The following STK31 variants were observed in gnomAD, a reference collection of about 807,000 sequenced individuals.
STK31 encodes serine/threonine kinase 31.
In STK31, 89 loss-of-function variants were observed where a neutral mutation model predicts 129.7. The observed-to-expected ratio is 0.69, with a 90% confidence interval of 0.58 to 0.82. The LOEUF (loss-of-function observed/expected upper bound fraction) is 0.82. Among genes scored for constraint, STK31 ranks in the 40% least tolerant of loss-of-function variants. The pLI, the probability that STK31 is intolerant of heterozygous loss-of-function variation, is 0.00. For synonymous variants in STK31, 448 were observed against 395.3 expected, an observed-to-expected ratio of 1.13 and a Z score of -1.58; for missense variants, 1,187 against 1,176.4, an observed-to-expected ratio of 1.01 and a Z score of -0.13.
At chr7:23,819,517 C>T (rs890243810) in intron 23 of STK31, among the ~76,000 whole-genome samples, 9 of 151,866 alleles carry the variant, frequency 5.9e-5, no homozygotes, top group Non-Finnish European at 1.0e-4. Context: ...CAGGTTCAAG[C>T]GATTCTCCTG....
intron 22 of STK31, among the ~76,000 whole-genome samples, chr7:23,794,670 A>C (rs1323545804): frequency 6.6e-6 from 1 of 152,152 alleles, no homozygotes; most frequent in Non-Finnish European, 1.5e-5. Flanking sequence ...TGATATGGCC[A>C]GTGAAGTCCA....
chr7:23,827,372 C>A (rs566687008), intron 23 of STK31, among the ~76,000 whole-genome samples: 1 of 152,272 alleles, frequency 6.6e-6, no homozygotes, highest in East Asian at 1.9e-4. Flanking sequence ...GATACCCTTT[C>A]TTCCAGTTGA....
chr7:23,712,930 C>T (rs982945311), intron 3 of STK31, among the ~76,000 whole-genome samples: 1 of 152,138 alleles, frequency 6.6e-6, no homozygotes, highest in Non-Finnish European at 1.5e-5. Context: ...TTTCTCTATA[C>T]TCCCTACAGC....
At chr7:23,710,153 A>G, upstream of STK31, 1 of 1,513,302 alleles carries the variant, frequency 6.6e-7, no homozygotes, top group East Asian at 2.3e-5. Context: ...CGTGGCTGCC[A>G]CGTGACTCCC....
chr7:23,759,370 A>G (rs1789310852), intron 10 of STK31, among the ~76,000 whole-genome samples: 2 of 152,256 alleles, frequency 1.3e-5, no homozygotes. Context: ...AATTGACCAC[A>G]TAATTGGAAG....
At chr7:23,798,405 A>G (rs1340110576) in intron 22 of STK31, among the ~76,000 whole-genome samples, 1 of 145,080 alleles carries the variant, frequency 6.9e-6, no homozygotes. Context: ...ATCCACAACA[A>G]TCAAGTCAGC....
chr7:23,814,424 T>C lies in STK31; in HGVS notation c.2761-720T>C, dbSNP rs905608306. Among the ~76,000 whole-genome samples, 5 of 152,072 alleles carry C rather than the reference T, an allele frequency of 3.3e-5. No individual in the cohort carries two copies. The East Asian group carries it at 7.7e-4, about 23-fold the overall frequency. On this transcript the variant is annotated intron_variant, in intron 22 of 23. Transcript: ENST00000355870. ...ACTAAAAAAGTAAACTAATTTGATA[T>C]GAGATTACTCAAATTTTGAAAGCTA...
At chr7:23,804,260 C>G (rs1288690842) in intron 22 of STK31, among the ~76,000 whole-genome samples, 1 of 152,078 alleles carries the variant, frequency 6.6e-6, no homozygotes, top group African/African-American at 2.4e-5. Flanking sequence ...GTTGCTTTCC[C>G]TAAAATGCAT....
chr7:23,730,878 A>ATATATATATATATATTT, intron 6 of STK31, among the ~76,000 whole-genome samples: 81 of 59,530 alleles, frequency 1.4e-3, no homozygotes, highest in Non-Finnish European at 2.3e-3. Flanking sequence ...ATATATATAT[A>ATATATATATATATATTT]TTTTTTTTTT....
intron 22 of STK31, among the ~76,000 whole-genome samples, chr7:23,796,214 T>G (rs1791942125): frequency 6.6e-6 from 1 of 152,206 alleles, no homozygotes; most frequent in Non-Finnish European, 1.5e-5. Flanking sequence ...TTCTCATGAC[T>G]TTAGCCCTAT....
chr7:23,743,215 A>G (rs180884573), intron 8 of STK31, among the ~76,000 whole-genome samples: 1 of 152,080 alleles, frequency 6.6e-6, no homozygotes, highest in Admixed American at 6.5e-5. Context: ...CGGCCTCCCA[A>G]AGTGCTGGGA....
intron 6 of STK31, among the ~76,000 whole-genome samples, chr7:23,735,063 G>A (rs1023322188): frequency 1.3e-5 from 2 of 152,176 alleles, no homozygotes; most frequent in Admixed American, 1.3e-4. Flanking sequence ...CGTATTTTGT[G>A]CTTTCGGTTT....
intron 15 of STK31, among the ~76,000 whole-genome samples, chr7:23,778,666 T>C (rs1413426736): frequency 2.0e-5 from 3 of 152,206 alleles, no homozygotes; most frequent in East Asian, 3.9e-4. Flanking sequence ...TCTCATACTT[T>C]GTTTTTCAGC....
rs201534003 is a variant in STK31, at chr7:23,711,441, AAC to A, written c.51-657_51-656del. Among the ~76,000 whole-genome samples, 633 of 142,626 alleles carry A rather than the reference AAC, an allele frequency of 4.4e-3. 4 individuals carry two copies. Among genetic ancestry groups the A allele is most frequent in the South Asian group, 0.027 (129 of 4,736 alleles). The allele number at this position is 142,626 out of a possible 152,430, so 93.6% of individuals were successfully genotyped here. On this transcript the variant is annotated intron_variant, in intron 1 of 23. Transcript: ENST00000355870. ...CTTCGTTTGGGGGGAAAAAAAAAAAAACCCATAAAAAATCTGTGTTTTAATTT... is the reference window on the plus strand; with the variant it reads ...CTTCGTTTGGGGGGAAAAAAAAAAAACCATAAAAAATCTGTGTTTTAATTT...
chr7:23,811,391 A>T (rs1414476287), intron 22 of STK31: 1 of 343,540 alleles, frequency 2.9e-6, no homozygotes, highest in Non-Finnish European at 5.9e-6. Flanking sequence ...TTTCATATAC[A>T]TCTTGTAGGC....
At chr7:23,788,183 G>A (rs1791413944) in intron 21 of STK31, 54 bp downstream of exon 21, 1 of 1,480,254 alleles carries the variant, frequency 6.8e-7, no homozygotes, top group Non-Finnish European at 9.1e-7. Flanking sequence ...ATATTATTAA[G>A]CAGTAGTTCA....
intron 15 of STK31, among the ~76,000 whole-genome samples, chr7:23,773,237 C>T (rs2128104823): frequency 6.6e-6 from 1 of 152,162 alleles, no homozygotes; most frequent in East Asian, 1.9e-4. Flanking sequence ...TGTTCCCCTC[C>T]CTGTGTCCAT....
intron 4 of STK31, among the ~76,000 whole-genome samples, chr7:23,723,105 G>A (rs946253133): frequency 1.1e-4 from 16 of 152,078 alleles, no homozygotes; most frequent in African/African-American, 3.1e-4. Context: ...AGATGAACCC[G>A]GTACCTCAGT....
chr7:23,736,825 G>T, intron 7 of STK31, 79 bp from the exon 8 acceptor site: 1 of 1,207,732 alleles, frequency 8.3e-7, no homozygotes, highest in Non-Finnish European at 1.1e-6. Context: ...GGCATAAAAG[G>T]ACCAAGATAA....
Sources: allele counts gnomAD v4.1 joint callset (sites outside exome capture counted in the v4.1 genomes callset), GRCh38; gene constraint gnomAD v4.1.1; transcripts MANE v1.5; gene names NCBI Gene and HGNC (gene_info 2026-07-23, HGNC 2026-07-21).